The following PTPRG variants were observed in gnomAD, a reference collection of about 807,000 sequenced individuals.
PTPRG encodes receptor-type tyrosine-protein phosphatase gamma.
In PTPRG, 102 loss-of-function variants were observed where a neutral mutation model predicts 165.3. The observed-to-expected ratio is 0.62, with a 90% CI of 0.53 to 0.73. The LOEUF (loss-of-function observed/expected upper bound fraction) is 0.73, where lower values mean the gene tolerates loss of function less well. Among genes scored for constraint, PTPRG ranks in the 30% least tolerant of loss-of-function variants. The probability of loss-of-function intolerance (pLI) is 0.00; values close to 1 mark genes in which losing one functional copy is unlikely to be tolerated. For synonymous variants in PTPRG, 675 were observed against 669.5 expected, an observed-to-expected ratio of 1.01 and a Z score of -0.13; for missense variants, 1,866 against 1,861.4, an observed-to-expected ratio of 1.00 and a Z score of -0.05.
At chr3:61,610,663 G>A (rs1321120803) in intron 1 of PTPRG, among the ~76,000 whole-genome samples, 1 of 152,038 alleles carries the variant, frequency 6.6e-6, no homozygotes, top group African/African-American at 2.4e-5. Flanking sequence ...CCTCTGTTAA[G>A]TGACCATTCC....
intron 2 of PTPRG, among the ~76,000 whole-genome samples, chr3:61,775,047 G>A (rs1289899581): frequency 6.6e-6 from 1 of 152,122 alleles, no homozygotes; most frequent in Non-Finnish European, 1.5e-5. Flanking sequence ...GTGATGGTGT[G>A]TGACATTTTA....
In PTPRG at chr3:62,191,662, C is replaced by A. The variant is rs776055070; in HGVS notation, c.1218+9C>A. On this transcript the variant is annotated intron_variant, in intron 9 of 29. Transcript: ENST00000474889. ...ACAGCGACAAAGACTTGGTATGAAGCCCCTCCTCTGATTCAGGGTACATGC... is the reference window on the plus strand; with the variant it reads ...ACAGCGACAAAGACTTGGTATGAAGACCCTCCTCTGATTCAGGGTACATGC... The A allele has an allele frequency of 6.2e-7, 1 of 1,612,440 alleles. No individual in the cohort carries two copies. The highest frequency in any genetic ancestry group is 1.7e-5 in the Admixed American group (1 of 59,984).
intron 1 of PTPRG, among the ~76,000 whole-genome samples, chr3:61,631,096 G>A (rs1701764157): frequency 6.6e-6 from 1 of 151,046 alleles, no homozygotes; most frequent in Admixed American, 6.6e-5. Flanking sequence ...TTTTTTTAAA[G>A]ACAAATGAAA....
chr3:61,563,858 GA>G (rs1284853838), intron 1 of PTPRG, among the ~76,000 whole-genome samples: 3 of 152,210 alleles, frequency 2.0e-5, no homozygotes, highest in African/African-American at 7.2e-5. Flanking sequence ...CAGAATCGGG[GA>G]TGGCCTCGAG....
At chr3:62,091,623 C>G (rs1330595626) in intron 5 of PTPRG, among the ~76,000 whole-genome samples, 1 of 152,100 alleles carries the variant, frequency 6.6e-6, no homozygotes, top group Non-Finnish European at 1.5e-5. Context: ...TTATGTGGCC[C>G]TATGTATGCT....
chr3:61,945,772 A>G (rs972130007), intron 2 of PTPRG, among the ~76,000 whole-genome samples: 1 of 152,130 alleles, frequency 6.6e-6, no homozygotes, highest in Non-Finnish European at 1.5e-5. Context: ...TAGAGAACAC[A>G]TTGCATAACT....
At chr3:61,773,006 G>C (rs934220131) in intron 2 of PTPRG, among the ~76,000 whole-genome samples, 2 of 152,206 alleles carry the variant, frequency 1.3e-5, no homozygotes, top group African/African-American at 2.4e-5. Context: ...ATTGCTTTTA[G>C]AGGCAACATT....
intron 8 of PTPRG, among the ~76,000 whole-genome samples, chr3:62,188,996 C>T (rs1001081575): frequency 3.9e-5 from 6 of 151,970 alleles, no homozygotes; most frequent in Non-Finnish European, 5.9e-5. Context: ...ACTTAGAAGC[C>T]GGAGTATTTA....
At chr3:62,060,564 G>A (rs373489530) in intron 4 of PTPRG, among the ~76,000 whole-genome samples, 4 of 152,318 alleles carry the variant, frequency 2.6e-5, no homozygotes, top group African/African-American at 9.6e-5. Flanking sequence ...GCACTGTTCT[G>A]TCTGTATGTC....
intron 2 of PTPRG, among the ~76,000 whole-genome samples, chr3:61,839,949 C>A (rs2036576724): frequency 6.6e-6 from 1 of 152,016 alleles, no homozygotes; most frequent in African/African-American, 2.4e-5. Context: ...TTATGTGGTA[C>A]TATTTCTTTT....
chr3:61,654,421 G>A (rs1388581714), intron 1 of PTPRG, among the ~76,000 whole-genome samples: 1 of 151,884 alleles, frequency 6.6e-6, no homozygotes, highest in Non-Finnish European at 1.5e-5. Flanking sequence ...GTCTCACTCT[G>A]TCCCCCAGGC....
intron 4 of PTPRG, among the ~76,000 whole-genome samples, chr3:62,063,464 C>G (rs903183612): frequency 5.3e-5 from 8 of 152,096 alleles, no homozygotes; most frequent in Admixed American, 4.6e-4. Flanking sequence ...TCTCTGGTGT[C>G]CTTCTGAGCA....
intron 5 of PTPRG, among the ~76,000 whole-genome samples, chr3:62,106,976 AT>A (rs1198753993): frequency 6.6e-6 from 1 of 152,162 alleles, no homozygotes; most frequent in Non-Finnish European, 1.5e-5. Flanking sequence ...CCTTTTCTGG[AT>A]TACCTTCACT....
intron 1 of PTPRG, among the ~76,000 whole-genome samples, chr3:61,675,161 A>T (rs368323511): frequency 2.0e-5 from 3 of 152,346 alleles, no homozygotes; most frequent in African/African-American, 7.2e-5. Context: ...GATGTATAGC[A>T]AGCAATATTC....
At position 62,293,307 on chromosome 3, in the gene PTPRG, A is replaced by G; in HGVS notation, c.4338A>G (p.Ter1446TrpextTer4). ...DPAESMESLV[*>W] The stretch of plus-strand genomic sequence containing the variant: ...CTGAGAGCATGGAGTCCCTAGTGTG[A>G]CTGGAATCCTGAAAGGGCACTTAAT... The change falls in exon 30 of 30, where the codon TGA becomes TGG. Residue 1446 changes from the stop codon to tryptophan (W), a stop_lost. Transcript: ENST00000474889. The G allele has an allele frequency of 6.4e-7, 1 of 1,554,582 alleles. No homozygotes were observed. The highest frequency in any genetic ancestry group is 8.6e-7 in the Non-Finnish European group (1 of 1,157,940).
At chr3:62,086,877 T>TG (rs11391889) in intron 5 of PTPRG, among the ~76,000 whole-genome samples, 49,424 of 151,696 alleles carry the variant, frequency 0.33, 10,080 homozygotes, top group African/African-American at 0.59. Context: ...GCACATCTTC[T>TG]TCTGCAAATG....
intron 13 of PTPRG, among the ~76,000 whole-genome samples, chr3:62,230,398 A>AG (rs1429635584): frequency 6.2e-4 from 95 of 152,352 alleles, no homozygotes; most frequent in African/African-American, 2.3e-3. Context: ...TTCCAAAAAA[A>AG]GAGAACTTCC....
chr3:61,879,709 C>T (rs906761119), intron 2 of PTPRG, among the ~76,000 whole-genome samples: 5 of 152,014 alleles, frequency 3.3e-5, no homozygotes, highest in African/African-American at 1.2e-4. Context: ...ATCTATATGC[C>T]TTTTATTTTT....
chr3:62,087,991 G>T (rs765121422), intron 5 of PTPRG, among the ~76,000 whole-genome samples: 12 of 152,200 alleles, frequency 7.9e-5, no homozygotes, highest in Non-Finnish European at 1.5e-4. Flanking sequence ...GCTATAAAGA[G>T]TATAGAATAA....
Sources: allele counts gnomAD v4.1 joint callset (sites outside exome capture counted in the v4.1 genomes callset), GRCh38; gene constraint gnomAD v4.1.1; transcripts MANE v1.5; gene names NCBI Gene and HGNC (gene_info 2026-07-23, HGNC 2026-07-21).